The following DMD variants were observed in gnomAD, a reference collection of about 807,000 sequenced individuals.
DMD encodes the protein dystrophin.
Under a neutral mutation model 330.1 loss-of-function variants are expected in DMD, and 63 were observed. The observed-to-expected ratio is 0.19, with a 90% confidence interval of 0.16 to 0.24. The LOEUF (loss-of-function observed/expected upper bound fraction) is 0.24, where lower values mean the gene tolerates loss of function less well. Ranked by LOEUF, DMD falls within the 10% of genes least tolerant of loss-of-function variation. The probability of loss-of-function intolerance (pLI) is 1.00; values close to 1 mark genes in which losing one functional copy is unlikely to be tolerated. For missense variants in DMD, 3,344 were observed against 2,684.1 expected, an observed-to-expected ratio of 1.25 and a Z score of -5.43; for synonymous variants, 1,223 against 959.8, an observed-to-expected ratio of 1.27 and a Z score of -5.07.
intron 7 of DMD, among the ~76,000 whole-genome samples, chrX:32,732,886 T>C (rs1026472788): frequency 9.0e-6 from 1 of 110,576 alleles, no homozygotes; most frequent in Non-Finnish European, 1.9e-5. Context: ...AACATCATAA[T>C]GACAGGATCA....
At chrX:31,782,660 T>C (rs923479967) in intron 50 of DMD, among the ~76,000 whole-genome samples, 1 of 111,709 alleles carries the variant, frequency 9.0e-6, no homozygotes, top group Non-Finnish European at 1.9e-5. Context: ...CAGCAATAGA[T>C]AGCTGACACA....
intron 37 of DMD, among the ~76,000 whole-genome samples, chrX:32,360,827 T>TAAA (rs1321521863): frequency 9.3e-6 from 1 of 108,038 alleles, no homozygotes; most frequent in African/African-American, 3.4e-5. Flanking sequence ...ATAATAATAA[T>TAAA]AAATGAATAT....
chrX:31,486,482 A>C (rs2068817628), intron 57 of DMD, among the ~76,000 whole-genome samples: 1 of 112,460 alleles, frequency 8.9e-6, no homozygotes, highest in Admixed American at 9.4e-5. Context: ...GAATTTCCTC[A>C]AGAAGTGGTC....
chrX:32,956,751 G>C (rs756628393), intron 2 of DMD, among the ~76,000 whole-genome samples: 1 of 110,964 alleles, frequency 9.0e-6, no homozygotes, highest in Non-Finnish European at 1.9e-5. Flanking sequence ...AAATAGGAAT[G>C]GTAAGAGAGG....
intron 47 of DMD, among the ~76,000 whole-genome samples, chrX:31,909,434 C>T (rs954624865): frequency 3.7e-5 from 4 of 106,846 alleles, no homozygotes; most frequent in Admixed American, 1.0e-4. Flanking sequence ...GGTTCTGAAA[C>T]GGCTTCAGGC....
At chrX:33,127,350 T>TA (rs746302396) in intron 1 of DMD, among the ~76,000 whole-genome samples, 13 of 110,311 alleles carry the variant, frequency 1.2e-4, no homozygotes, top group African/African-American at 1.3e-4. Flanking sequence ...ATTCTATAAT[T>TA]AAAAAAAAAC....
chrX:33,165,069 A>G (rs1216978075), intron 1 of DMD, among the ~76,000 whole-genome samples: 7 of 110,195 alleles, frequency 6.4e-5, no homozygotes, highest in African/African-American at 2.0e-4. Flanking sequence ...TGAGTTTAGG[A>G]ATTTAGTTTA....
At chrX:32,561,894 G>T (rs200754436) in intron 16 of DMD, among the ~76,000 whole-genome samples, 1 of 111,733 alleles carries the variant, frequency 8.9e-6, no homozygotes, top group Non-Finnish European at 1.9e-5. Context: ...ATTCAACACC[G>T]TGAAAGAAAA....
At chrX:32,879,021 A>AAAC (rs1557109752) in intron 2 of DMD, among the ~76,000 whole-genome samples, 1 of 101,792 alleles carries the variant, frequency 9.8e-6, no homozygotes, top group East Asian at 3.2e-4. Context: ...AAAAAAACAA[A>AAAC]AAACAAAAAA....
At chrX:31,637,786 A>G (rs1319970952) in intron 54 of DMD, among the ~76,000 whole-genome samples, 2 of 111,833 alleles carry the variant, frequency 1.8e-5, no homozygotes, top group Non-Finnish European at 3.8e-5. Flanking sequence ...TTGCTTTCAC[A>G]TAAATTATTT....
rs2059709332 is a variant in DMD at position 32,645,252 on chromosome X, A to C, written c.961-100T>G. ...CGAATGAAATATTTAAAATGCTAGG[A>C]CTGTCCACTGGCATTATCAAACACA... On this transcript the variant is annotated intron_variant, in intron 9 of 78. Coordinates refer to ENST00000357033, the MANE Select transcript of DMD (RefSeq NM_004006.3). The C allele has an allele frequency of 2.4e-5, 22 of 908,630 alleles. No individual in the cohort carries two copies. In the South Asian group the frequency reaches 4.9e-4, roughly 20 times the overall value. 74.9% of individuals were successfully genotyped at this position (908,630 alleles called of 1,213,427 possible).
intron 30 of DMD, among the ~76,000 whole-genome samples, chrX:32,402,299 G>A (rs1300393614): frequency 7.2e-5 from 8 of 111,230 alleles, no homozygotes; most frequent in Non-Finnish European, 1.5e-4. Context: ...AATAGTAATT[G>A]ATATATTCTC....
Position 32,110,492 on chromosome X carries a change from G to A in DMD, c.6438+106424C>T, listed in dbSNP as rs1382922706. ...TTGAAGTCATATAAACAAGTTATTT[G>A]GTTTTAGCATTTAAAATAAAGGAGT... On this transcript the variant is annotated intron_variant, in intron 44 of 78. Transcript: ENST00000357033. Among the ~76,000 whole-genome samples the A allele has an allele frequency of 2.7e-5, 3 of 111,735 alleles. No homozygotes were observed. In the Admixed American group the frequency reaches 2.9e-4, roughly 11 times the overall value.
intron 17 of DMD, among the ~76,000 whole-genome samples, chrX:32,532,123 A>G (rs1198233888): frequency 9.0e-6 from 1 of 111,479 alleles, no homozygotes; most frequent in Non-Finnish European, 1.9e-5. Flanking sequence ...GGTGAGCTCC[A>G]AAAGTCTTGC....
chrX:33,004,762 C>T (rs1238799095), intron 2 of DMD, among the ~76,000 whole-genome samples: 1 of 110,134 alleles, frequency 9.1e-6, no homozygotes, highest in Non-Finnish European at 1.9e-5. Flanking sequence ...TTTTCAGGAA[C>T]AAGGAGCATC....
At position 32,545,219 on chromosome X, in the gene DMD, A is replaced by G; in HGVS notation, c.2108T>C (p.Leu703Pro). The G allele has an allele frequency of 8.3e-7, 1 of 1,210,849 alleles. No homozygotes were observed. ...CTTCTTTTGGGGAGGTGGTGGTGGA[A>G]GTTCCTCTTGAGCATGCTTTACCAG... ...QILVKHAQEELPPPPPQKKRQ... is the reference protein window; with the variant it reads ...QILVKHAQEEPPPPPPQKKRQ... Residue 703 changes from leucine to proline, a missense_variant, in exon 17 of 79, where the codon CTT (leucine) becomes CCT (proline). Coordinates refer to ENST00000357033, the MANE Select transcript of DMD (RefSeq NM_004006.3).
At chrX:33,211,560 T>C (rs961992510), upstream of DMD, 1 of 1,026,925 alleles carries the variant, frequency 9.7e-7, no homozygotes, top group African/African-American at 1.9e-5. Flanking sequence ...GCCAGGATTC[T>C]GTAGAGGCCC....
chrX:33,222,281 A>G (rs1371249136), intron 1 of DMD, among the ~76,000 whole-genome samples: 1 of 112,104 alleles, frequency 8.9e-6, no homozygotes. Flanking sequence ...TTAACAGGTC[A>G]TAGAGGAAAA....
chrX:32,396,438 A>G (rs1278410785), intron 30 of DMD, among the ~76,000 whole-genome samples: 2 of 111,458 alleles, frequency 1.8e-5, no homozygotes, highest in Non-Finnish European at 3.8e-5. Context: ...GATTAGAGAT[A>G]AAATTTTCTT....
Sources: gnomAD v4.1 joint callset for allele counts (sites outside exome capture counted in the v4.1 genomes callset) on GRCh38, gnomAD v4.1.1 for gene constraint, MANE v1.5 for transcripts, NCBI Gene and HGNC (gene_info 2026-07-23, HGNC 2026-07-21) for gene names.